Variants in PHLDA1 observed in about 807,000 individuals in gnomAD.
PHLDA1 encodes pleckstrin homology-like domain family A member 1.
PHLDA1 carries 28 observed loss-of-function variants against 33.8 expected under a neutral mutation model. That is an observed-to-expected ratio of 0.83 (90% CI 0.61 to 1.14). The LOEUF (loss-of-function observed/expected upper bound fraction) is 1.14, where lower values mean the gene tolerates loss of function less well. Ranked by LOEUF, PHLDA1 falls within the 50% of genes most tolerant of loss-of-function variation. PHLDA1 has a pLI of 0.00. For missense variants in PHLDA1, 595 were observed against 548.6 expected, an observed-to-expected ratio of 1.08 and a Z score of -0.84; for synonymous variants, 271 against 243.6, an observed-to-expected ratio of 1.11 and a Z score of -1.05.
rs1175247919 is a variant in PHLDA1 at position 76,031,115 on chromosome 12, C to T, written c.627G>A (p.Pro209=). ...GGCCACTGGGTTGGGACGGCTCGGC[C>T]GGCCCCTGCCCGGGCTGTTGTTGCT... Residue 209 remains proline (P), a synonymous_variant, in exon 1 of 2, where the codon CCG becomes CCA. Transcript: ENST00000266671. This position sits in a 1 kb window ranked among gnomAD's most constrained non-coding sequence, Gnocchi z 5.4. 3 of 1,608,562 alleles carry T rather than the reference C, an allele frequency of 1.9e-6. No individual in the cohort carries two copies. Among genetic ancestry groups the T allele is most frequent in the East Asian group, 2.2e-5 (1 of 44,748 alleles).
At chr12:76,028,817 T>G (rs1006411700) in exon 2 of PHLDA1, 2 of 152,640 alleles carry the variant, frequency 1.3e-5, no homozygotes, top group Non-Finnish European at 2.9e-5. Context: ...CATATCCTCT[T>G]TTTTCCCCCA....
At chr12:76,030,990 T>C (rs1339688629) in exon 1 of PHLDA1, 1 of 1,613,818 alleles carries the variant, frequency 6.2e-7, no homozygotes. Flanking sequence ...CACAGTGAAG[T>C]ACATGTACTT....
In PHLDA1 at chr12:76,030,604, G is replaced by A. The variant is rs774025170; in HGVS notation, c.1138C>T (p.Pro380Ser). 5.6e-6 allele frequency: 9 copies of A among 1,608,112 alleles called. No individual in the cohort carries two copies. In the East Asian group the frequency reaches 2.0e-4, roughly 36 times the overall value. Residue 380 changes from proline (P) to serine (S), a missense_variant, in exon 1 of 2, where the codon CCA (proline) becomes TCA (serine). This residue lies in a region of PHLDA1 where 328 missense variants were observed against 295.7 expected (regional missense o/e 1.11). Coordinates refer to ENST00000266671, the Ensembl canonical transcript of PHLDA1. ...GGCTGCGAGTGCGGCTGTGGGTGTG[G>A]GTGCGGTATTTGGTGCGGATGCGGG...
rs747757329 is a variant in PHLDA1 at position 76,031,089 on chromosome 12, G to A, written c.653C>T (p.Pro218Leu). ...CGGCGGCTCGAGGCTGGCGACAGCG[G>A]GGCCACTGGGTTGGGACGGCTCGGC... The change falls in exon 1 of 2, where the codon CCC becomes CTC. Residue 218 changes from proline to leucine, a missense_variant. Transcript: ENST00000266671. The surrounding 1 kb of genome is among the most constrained non-coding windows in gnomAD (Gnocchi z 5.4). 11 of 1,609,998 alleles carry A rather than the reference G, an allele frequency of 6.8e-6. No individual in the cohort carries two copies. The highest frequency in any genetic ancestry group is 1.3e-5 in the African/African-American group (1 of 74,932).
Position 76,031,602 on chromosome 12 carries a change from C to T in PHLDA1, c.140G>A (p.Arg47Gln). The stretch of plus-strand genomic sequence containing the variant: ...CGAGCGCTCACTGAAGGGCACTGGC[C>T]GGGCCCCCTCGCGGCGCTTTTGAAT... Residue 47 changes from arginine (R) to glutamine (Q), a missense_variant, in exon 1 of 2, where the codon CGG (arginine) becomes CAG (glutamine). Physicochemically the swap from Arg to Gln is conservative, Grantham distance 43. Transcript: ENST00000266671. The surrounding 1 kb of genome is among the most constrained non-coding windows in gnomAD (Gnocchi z 5.4). 1 of 1,573,168 alleles carries T rather than the reference C, an allele frequency of 6.4e-7. No homozygotes were observed. Among genetic ancestry groups the T allele is most frequent in the Non-Finnish European group, 8.6e-7 (1 of 1,162,026 alleles).
chr12:76,026,702 G>A (rs1870781515), exon 2 of PHLDA1: 1 of 152,154 alleles, frequency 6.6e-6, no homozygotes, highest in African/African-American at 2.4e-5. Context: ...CTTGCTCAAT[G>A]AGGAAAATGT....
Position 76,031,268 on chromosome 12 carries a change from C to G in PHLDA1, c.474G>C (p.Lys158Asn). Reference sequence around the variant, plus strand: ...AGAGCTGCAACAACCCGTCGCTGCGCTTCTCCAGCACGCCCTCCTTCAGCG... The same window carrying G: ...AGAGCTGCAACAACCCGTCGCTGCGGTTCTCCAGCACGCCCTCCTTCAGCG... Residue 158 changes from lysine to asparagine, a missense_variant, in exon 1 of 2, where the codon AAG (lysine) becomes AAC (asparagine). Around this residue, in one of 3 missense-constraint regions of PHLDA1, gnomAD observed 263 missense variants for 232.3 expected, o/e 1.13. Transcript: ENST00000266671. This position sits in a 1 kb window ranked among gnomAD's most constrained non-coding sequence, Gnocchi z 5.4. 3.1e-6 allele frequency: 5 copies of G among 1,613,910 alleles called. No homozygotes were observed. The highest frequency in any genetic ancestry group is 4.2e-6 in the Non-Finnish European group (5 of 1,179,922).
exon 1 of PHLDA1, chr12:76,030,887 A>G (rs1390633233): frequency 4.3e-6 from 7 of 1,612,722 alleles, no homozygotes; most frequent in Non-Finnish European, 5.9e-6. Flanking sequence ...TGGCCTGACG[A>G]TTCTTGTACT....
chr12:76,030,680 T>C (rs1201173945), exon 1 of PHLDA1: 6 of 1,187,522 alleles, frequency 5.1e-6, no homozygotes, highest in South Asian at 1.3e-5. Flanking sequence ...GATGTGGATG[T>C]GGATGCGGAT....
chr12:76,027,334 C>T (rs761610539), exon 2 of PHLDA1: 2 of 152,082 alleles, frequency 1.3e-5, no homozygotes, highest in African/African-American at 4.8e-5. Flanking sequence ...GGTGTCAAAA[C>T]AATAAAAGCC....
At chr12:76,030,709 G>T in exon 1 of PHLDA1, 1 of 1,165,512 alleles carries the variant, frequency 8.6e-7, no homozygotes, top group Non-Finnish European at 1.3e-6. Context: ...AGCTGCTGGG[G>T]CTGAGGCTTG....
Position 76,031,562 on chromosome 12 carries a change from T to G in PHLDA1, c.180A>C (p.Arg60Ser), listed in dbSNP as rs1406129833. Residue 60 changes from arginine (R) to serine (S), a missense_variant, in exon 1 of 2, where the codon AGA (arginine) becomes AGC (serine). Arg to Ser is a moderately radical substitution (Grantham distance 110). Coordinates refer to ENST00000266671, the Ensembl canonical transcript of PHLDA1. The surrounding 1 kb of genome is among the most constrained non-coding windows in gnomAD (Gnocchi z 5.4). ...TCCCGGAGCTCCGAGCTGCCGGGCC[T>G]CTGCCGTCCTCTTGCGAGCGCTCAC... The G allele has an allele frequency of 1.9e-6, 3 of 1,561,676 alleles. No homozygotes were observed. The highest frequency in any genetic ancestry group is 2.4e-5 in the South Asian group (2 of 84,520).
chr12:76,029,239 T>C (rs576080410), exon 2 of PHLDA1: 1 of 152,280 alleles, frequency 6.6e-6, no homozygotes, highest in African/African-American at 2.4e-5. Flanking sequence ...CACAACATTT[T>C]TGAAATGAAA....
chr12:76,030,561 A>G (rs1870868545), exon 1 of PHLDA1: 1 of 1,613,368 alleles, frequency 6.2e-7, no homozygotes, highest in East Asian at 2.2e-5. Context: ...GGTGCTGCGG[A>G]GAAGCCGGTG....
exon 2 of PHLDA1, chr12:76,029,273 A>C (rs1318920856): frequency 6.6e-6 from 1 of 152,184 alleles, no homozygotes; most frequent in East Asian, 1.9e-4. Flanking sequence ...TATACTCACA[A>C]ATCAGTCAAA....
In PHLDA1 at chr12:76,031,160, CTG is replaced by C. The variant is rs1565702246; in HGVS notation, c.580_581del (p.Gln194AlafsTer222). The stretch of plus-strand genomic sequence containing the variant: ...GTTGCTGCTGCTGCTGCTGCTGTTG[CTG>C]CTGCTGCTGCTGGTGTTGCAGCTGC... On this transcript the variant is annotated frameshift_variant, in exon 1 of 2. Transcript: ENST00000266671. LOFTEE classifies it high-confidence loss of function. This position sits in a 1 kb window ranked among gnomAD's most constrained non-coding sequence, Gnocchi z 5.4. The C allele has an allele frequency of 1.6e-4, 13 of 83,574 alleles. No homozygotes were observed. Among genetic ancestry groups the C allele is most frequent in the Non-Finnish European group, 1.7e-4 (13 of 76,014 alleles). 5.2% of individuals were successfully genotyped at this position (83,574 alleles called of 1,614,324 possible).
chr12:76,030,641 G>C (rs1223002828), exon 1 of PHLDA1: 6 of 1,448,116 alleles, frequency 4.1e-6, no homozygotes, highest in Admixed American at 1.7e-5. Context: ...GCGGGTGAGG[G>C]TGTGGGTGCG....
At chr12:76,029,823 TTAAAA>T (rs1870851973) in exon 2 of PHLDA1, 3 of 152,554 alleles carry the variant, frequency 2.0e-5, no homozygotes, top group Non-Finnish European at 4.4e-5. Context: ...TCAAAATACA[TTAAAA>T]TAAAATTACA....
In PHLDA1 at chr12:76,030,772, G is replaced by C. The variant is rs376682592; in HGVS notation, c.970C>G (p.Gln324Glu). The C allele has an allele frequency of 4.9e-5, 70 of 1,420,070 alleles. 1 individual carries two copies. The highest frequency in any genetic ancestry group is 6.4e-5 in the Non-Finnish European group (66 of 1,027,520). The allele number at this position is 1,420,070 out of a possible 1,614,324, so 88.0% of individuals were successfully genotyped here. A position where few individuals can be genotyped will look rare whatever the true frequency, so the allele number is the denominator to read the frequency against. The change falls in exon 1 of 2, where the codon CAG becomes GAG. Residue 324 changes from glutamine to glutamate, a missense_variant. Physicochemically the swap from Gln to Glu is conservative, Grantham distance 29 (BLOSUM62 2). Transcript: ENST00000266671. Reference sequence around the variant, plus strand: ...TGGGGCTGGGGTTGCGGCTGAGGCTGAGGCTGGGGTTGGGGCTGGAGCTGC... The same window carrying C: ...TGGGGCTGGGGTTGCGGCTGAGGCTCAGGCTGGGGTTGGGGCTGGAGCTGC...
Sources: gnomAD v4.1 joint callset for allele counts on GRCh38, gnomAD v4.1.1 for gene constraint, gnomAD v4.1.1 regional missense constraint, Gnocchi (gnomAD v3.1) non-coding constraint, MANE v1.5 for transcripts, NCBI Gene and HGNC (gene_info 2026-07-23, HGNC 2026-07-21) for gene names.